Variants in KAZN observed in about 807,000 individuals in gnomAD.
The protein encoded by KAZN is kazrin, periplakin interacting protein, also known as kazrin.
A neutral mutation model predicts 87.4 loss-of-function variants in KAZN; 40 were observed. The observed-to-expected ratio is 0.46, with a 90% CI of 0.36 to 0.60. The LOEUF (loss-of-function observed/expected upper bound fraction) is 0.60. KAZN is among the 20% of genes least tolerant of loss of function. The pLI, the probability that KAZN is intolerant of heterozygous loss-of-function variation, is 0.00. For synonymous variants in KAZN, 466 were observed against 458.3 expected, an observed-to-expected ratio of 1.02 and a Z score of -0.22; for missense variants, 898 against 1,073.9, an observed-to-expected ratio of 0.84 and a Z score of 2.29.
intron 1 of KAZN, among the ~76,000 whole-genome samples, chr1:14,828,281 C>T (rs1007102150): frequency 2.0e-5 from 3 of 152,226 alleles, no homozygotes; most frequent in African/African-American, 7.2e-5. Flanking sequence ...AAACATGTAT[C>T]ACTGCACTGT....
chr1:15,054,609 G>T (rs964383097), intron 4 of KAZN, among the ~76,000 whole-genome samples: 1 of 150,352 alleles, frequency 6.7e-6, no homozygotes, highest in Non-Finnish European at 1.5e-5. Context: ...CCGAGATCGC[G>T]CCACTGCACT....
intron 1 of KAZN, among the ~76,000 whole-genome samples, chr1:14,928,944 C>T (rs1659484164): frequency 6.6e-6 from 1 of 152,202 alleles, no homozygotes; most frequent in Non-Finnish European, 1.5e-5. Context: ...TGGTGGCACG[C>T]CATAGTGGGT....
At chr1:14,960,253 C>T (rs1663679419) in intron 1 of KAZN, among the ~76,000 whole-genome samples, 1 of 152,190 alleles carries the variant, frequency 6.6e-6, no homozygotes, top group African/African-American at 2.4e-5. Flanking sequence ...GTTACTTAAT[C>T]TCTCTGGGCA....
At chr1:14,407,013 C>A (rs1663908034) in intron 2 of KAZN, among the ~76,000 whole-genome samples, 1 of 152,222 alleles carries the variant, frequency 6.6e-6, no homozygotes, top group Non-Finnish European at 1.5e-5. Context: ...CGCAAGTCAT[C>A]TATGAGTACC....
chr1:14,025,776 A>T (rs1168197315), intron 1 of KAZN, among the ~76,000 whole-genome samples: 1 of 152,154 alleles, frequency 6.6e-6, no homozygotes, highest in East Asian at 1.9e-4. Flanking sequence ...AATATGGGTA[A>T]TGGCTACCAT....
chr1:14,211,636 C>T (rs989385045), intron 2 of KAZN, among the ~76,000 whole-genome samples: 3 of 152,008 alleles, frequency 2.0e-5, no homozygotes, highest in African/African-American at 7.2e-5. Flanking sequence ...CTTGTATGGG[C>T]TTGAGAGAGC....
rs1208238530 is a variant in KAZN, at chr1:13,948,275, G to A, written c.91+54519G>A. 3.3e-5 allele frequency among the ~76,000 whole-genome samples: 5 copies of A among 152,156 alleles called. No homozygotes were observed. In the East Asian group the frequency reaches 5.8e-4, roughly 18 times the overall value. ...CACCTTGAATTGTAATGATCCCCACGTGTCAAGGGCAGGACCAGGTGGAGA... is the reference window on the plus strand; with the variant it reads ...CACCTTGAATTGTAATGATCCCCACATGTCAAGGGCAGGACCAGGTGGAGA... On this transcript the variant is annotated intron_variant, in intron 1 of 16. Transcript: ENST00000636203.
chr1:14,242,268 C>T (rs761224841), intron 2 of KAZN, among the ~76,000 whole-genome samples: 4 of 152,064 alleles, frequency 2.6e-5, no homozygotes, highest in Non-Finnish European at 4.4e-5. Flanking sequence ...TCCTAAATAC[C>T]GGTTGCGAAA....
intron 2 of KAZN, among the ~76,000 whole-genome samples, chr1:14,210,678 TA>T (rs1646835847): frequency 6.6e-6 from 1 of 152,204 alleles, no homozygotes. Context: ...ACAGGGCAAT[TA>T]AAACTGAAGC....
At chr1:14,272,604 A>G (rs1021593145) in intron 2 of KAZN, among the ~76,000 whole-genome samples, 2 of 152,192 alleles carry the variant, frequency 1.3e-5, no homozygotes, top group African/African-American at 4.8e-5. Context: ...CACACCTGTA[A>G]TCCCAGCACT....
chr1:14,298,620 G>A (rs193237705), intron 2 of KAZN, among the ~76,000 whole-genome samples: 7 of 152,090 alleles, frequency 4.6e-5, no homozygotes, highest in Non-Finnish European at 1.0e-4. Context: ...TTAGTTTGCA[G>A]ACTAAAAGTT....
At chr1:14,961,550 G>A (rs1323442288) in intron 2 of KAZN, among the ~76,000 whole-genome samples, 4 of 152,140 alleles carry the variant, frequency 2.6e-5, no homozygotes, top group Admixed American at 1.3e-4. Flanking sequence ...GGGTCTCAGC[G>A]GGTTATTTGA....
At chr1:14,380,624 A>C (rs1661285432) in intron 2 of KAZN, among the ~76,000 whole-genome samples, 1 of 152,212 alleles carries the variant, frequency 6.6e-6, no homozygotes, top group Non-Finnish European at 1.5e-5. Flanking sequence ...CAAGCAGCAG[A>C]AATAAGTAAT....
chr1:14,814,909 A>G (rs1252391308), intron 1 of KAZN, among the ~76,000 whole-genome samples: 1 of 152,234 alleles, frequency 6.6e-6, no homozygotes, highest in Non-Finnish European at 1.5e-5. Flanking sequence ...GAGATGATTA[A>G]TAATACCTCG....
chr1:14,099,940 CCCTT>C (rs1353950753), intron 1 of KAZN, among the ~76,000 whole-genome samples: 2 of 152,180 alleles, frequency 1.3e-5, no homozygotes, highest in African/African-American at 4.8e-5. Context: ...CTCCTTCCCT[CCCTT>C]CCTCTCTTCC....
chr1:14,714,860 T>A (rs965545886), intron 1 of KAZN, among the ~76,000 whole-genome samples: 1 of 139,526 alleles, frequency 7.2e-6, no homozygotes, highest in African/African-American at 2.7e-5. Context: ...AGTGGCACAA[T>A]CACAGTTCAC....
chr1:14,235,452 AG>A (rs1204963644), intron 2 of KAZN, among the ~76,000 whole-genome samples: 1 of 152,044 alleles, frequency 6.6e-6, no homozygotes, highest in Non-Finnish European at 1.5e-5. Flanking sequence ...TTGTCAGCGG[AG>A]GGGGGATGTA....
intron 1 of KAZN, among the ~76,000 whole-genome samples, chr1:14,118,638 C>T (rs1228505349): frequency 1.3e-5 from 2 of 152,222 alleles, no homozygotes; most frequent in Admixed American, 6.5e-5. Flanking sequence ...TGAAACAGAA[C>T]ATCACAAGGA....
chr1:13,940,391 A>G (rs1420933545), intron 1 of KAZN, among the ~76,000 whole-genome samples: 1 of 151,700 alleles, frequency 6.6e-6, no homozygotes, highest in African/African-American at 2.4e-5. Flanking sequence ...CTATGAGTTT[A>G]TGCATTTCTT....
Sources: allele counts gnomAD v4.1 joint callset (sites outside exome capture counted in the v4.1 genomes callset), GRCh38; gene constraint gnomAD v4.1.1; transcripts MANE v1.5; gene names NCBI Gene and HGNC (gene_info 2026-07-23, HGNC 2026-07-21).